Variants in PKN2 observed in about 807,000 individuals in gnomAD.
The protein encoded by PKN2 is protein kinase N2, also known as serine/threonine-protein kinase N2.
In PKN2, 38 loss-of-function variants were observed where a neutral mutation model predicts 119.1. The ratio of observed to expected loss-of-function variants is 0.32; its 90% CI spans 0.25 to 0.42. PKN2 has a LOEUF of 0.42. Among genes scored for constraint, PKN2 ranks in the 10% least tolerant of loss-of-function variants. The probability of loss-of-function intolerance (pLI) is 1.00; values close to 1 mark genes in which losing one functional copy is unlikely to be tolerated. For synonymous variants in PKN2, 390 were observed against 384.9 expected, an observed-to-expected ratio of 1.01 and a Z score of -0.15; for missense variants, 850 against 1,165.1, an observed-to-expected ratio of 0.73 and a Z score of 3.94.
At chr1:88,812,318 A>G (rs534534970) in intron 15 of PKN2, among the ~76,000 whole-genome samples, 12 of 152,298 alleles carry the variant, frequency 7.9e-5, no homozygotes, top group Admixed American at 3.9e-4. Flanking sequence ...AGTCCAGTCA[A>G]TGGGTCTCAA....
intron 1 of PKN2, among the ~76,000 whole-genome samples, chr1:88,731,641 T>C (rs1045790819): frequency 2.6e-5 from 4 of 152,236 alleles, no homozygotes; most frequent in Non-Finnish European, 5.9e-5. Flanking sequence ...ACATAGTATA[T>C]GAATCATTGT....
intron 2 of PKN2, among the ~76,000 whole-genome samples, chr1:88,753,014 T>C (rs1570578828): frequency 2.6e-5 from 4 of 152,128 alleles, no homozygotes; most frequent in Non-Finnish European, 5.9e-5. Context: ...AAAAGTTCGA[T>C]TGTTTTGGAA....
chr1:88,764,777 C>T (rs1424095672), intron 3 of PKN2, among the ~76,000 whole-genome samples: 1 of 152,114 alleles, frequency 6.6e-6, no homozygotes, highest in Non-Finnish European at 1.5e-5. Context: ...AGTAGTATAG[C>T]TTGCCATTTC....
At chr1:88,733,328 C>T (rs1177814162) in intron 1 of PKN2, among the ~76,000 whole-genome samples, 1 of 152,038 alleles carries the variant, frequency 6.6e-6, no homozygotes. Context: ...CCCTTTTATC[C>T]ATACCCTCAT....
chr1:88,780,769 C>T (rs1670305110), intron 6 of PKN2, among the ~76,000 whole-genome samples: 1 of 152,136 alleles, frequency 6.6e-6, no homozygotes, highest in South Asian at 2.1e-4. Context: ...CAATGCTGAA[C>T]ACATTGTTGA....
At chr1:88,692,047 G>C (rs750916460) in intron 1 of PKN2, among the ~76,000 whole-genome samples, 1 of 151,738 alleles carries the variant, frequency 6.6e-6, no homozygotes, top group Non-Finnish European at 1.5e-5. Context: ...ACTGTGTATA[G>C]TTTAGTTGGA....
chr1:88,752,308 A>G (rs1004675906), intron 2 of PKN2, among the ~76,000 whole-genome samples: 5 of 151,872 alleles, frequency 3.3e-5, no homozygotes, highest in Admixed American at 6.6e-5. Context: ...AATCCTGGTA[A>G]TTTTGGATAG....
At chr1:88,779,778 A>T (rs923089197) in intron 6 of PKN2, among the ~76,000 whole-genome samples, 24 of 152,360 alleles carry the variant, frequency 1.6e-4, no homozygotes, top group African/African-American at 5.8e-4. Context: ...AAACTTATAC[A>T]TCAAAACATG....
intron 19 of PKN2, among the ~76,000 whole-genome samples, chr1:88,831,649 T>G (rs1672737534): frequency 6.6e-6 from 1 of 152,060 alleles, no homozygotes; most frequent in African/African-American, 2.4e-5. Flanking sequence ...TCACAGATTC[T>G]TAAAGATTGC....
intron 1 of PKN2, among the ~76,000 whole-genome samples, chr1:88,734,592 A>T (rs79918601): frequency 6.6e-6 from 1 of 152,114 alleles, no homozygotes; most frequent in African/African-American, 2.4e-5. Context: ...TTTGATTACT[A>T]TAGCTATGTA....
intron 1 of PKN2, among the ~76,000 whole-genome samples, chr1:88,702,565 A>G (rs1557549559): frequency 6.6e-6 from 1 of 152,214 alleles, no homozygotes; most frequent in Non-Finnish European, 1.5e-5. Context: ...TCAACAGTAA[A>G]AAAAGATGTA....
At chr1:88,726,257 C>T (rs1402466310) in intron 1 of PKN2, among the ~76,000 whole-genome samples, 1 of 152,014 alleles carries the variant, frequency 6.6e-6, no homozygotes, top group Non-Finnish European at 1.5e-5. Flanking sequence ...GTCCTAATGC[C>T]GATCTTGGGG....
chr1:88,730,204 C>A (rs563408856), intron 1 of PKN2, among the ~76,000 whole-genome samples: 2 of 151,876 alleles, frequency 1.3e-5, no homozygotes, highest in African/African-American at 2.4e-5. Flanking sequence ...GCCTACAGGG[C>A]CCTATATGAT....
chr1:88,751,377 T>TACACACACACAC (rs34210018), intron 2 of PKN2, among the ~76,000 whole-genome samples: 96 of 146,672 alleles, frequency 6.5e-4, no homozygotes, highest in African/African-American at 1.9e-3. Context: ...TATTTACACA[T>TACACACACACAC]ACACACACAC....
chr1:88,742,397 G>A (rs3767382), intron 2 of PKN2, among the ~76,000 whole-genome samples: 77,196 of 151,892 alleles, frequency 0.51, 20,314 homozygotes, highest in Middle Eastern at 0.7. Flanking sequence ...TTCAACATCT[G>A]GGATTTAGGG....
intron 1 of PKN2, among the ~76,000 whole-genome samples, chr1:88,698,331 C>G (rs1008353083): frequency 6.6e-6 from 1 of 152,158 alleles, no homozygotes; most frequent in Non-Finnish European, 1.5e-5. Flanking sequence ...GAGATTCACT[C>G]AAGGACCCCC....
At chr1:88,747,958 T>C (rs1166858989) in intron 2 of PKN2, among the ~76,000 whole-genome samples, 6 of 152,138 alleles carry the variant, frequency 3.9e-5, no homozygotes, top group African/African-American at 1.2e-4. Flanking sequence ...TTTTCTTTTT[T>C]ACTATTGCCC....
At chr1:88,743,178 C>T (rs909037471) in intron 2 of PKN2, among the ~76,000 whole-genome samples, 5 of 152,100 alleles carry the variant, frequency 3.3e-5, no homozygotes, top group East Asian at 1.9e-4. Flanking sequence ...CAACAGAGAG[C>T]GATTCTGTCT....
At chr1:88,818,307 A>G (rs959489199) in intron 16 of PKN2, among the ~76,000 whole-genome samples, 4 of 152,220 alleles carry the variant, frequency 2.6e-5, no homozygotes, top group African/African-American at 4.8e-5. Context: ...TATAGATTCA[A>G]TGCTATCCCC....
Sources: allele counts gnomAD v4.1 joint callset (sites outside exome capture counted in the v4.1 genomes callset), GRCh38; gene constraint gnomAD v4.1.1; transcripts MANE v1.5; gene names NCBI Gene and HGNC (gene_info 2026-07-23, HGNC 2026-07-21).